Variants in SRGAP1 observed in about 807,000 individuals in gnomAD.
The protein encoded by SRGAP1 is SLIT-ROBO Rho GTPase-activating protein 1.
A neutral mutation model predicts 121.9 loss-of-function variants in SRGAP1; 43 were observed. The ratio of observed to expected loss-of-function variants is 0.35; its 90% CI spans 0.28 to 0.46. SRGAP1 has a LOEUF of 0.46. Ranked by LOEUF, SRGAP1 falls within the 20% of genes least tolerant of loss-of-function variation. The pLI is 1.00. For synonymous variants in SRGAP1, 447 were observed against 485.4 expected (o/e 0.92, Z 1.04); for missense variants, 1,102 against 1,350.9 (o/e 0.82, Z 2.89).
At chr12:63,898,672 TAATC>T (rs1227826825) in intron 1 of SRGAP1, among the ~76,000 whole-genome samples, 3 of 152,212 alleles carry the variant, frequency 2.0e-5, no homozygotes, top group Admixed American at 2.0e-4. Flanking sequence ...ATGATAGTAT[TAATC>T]AAGACTCAAA....
chr12:64,150,655 A>C lies in SRGAP1; in HGVS notation c.*7983A>C, dbSNP rs2037107784. 1.3e-5 allele frequency: 1 copy of C among 77,900 alleles called. No individual in the cohort carries two copies. Among genetic ancestry groups the C allele is most frequent in the African/African-American group, 3.5e-5 (1 of 28,212 alleles). 4.8% of individuals were successfully genotyped at this position (77,900 alleles called of 1,614,324 possible). A position where few individuals can be genotyped will look rare whatever the true frequency, so the allele number is the denominator to read the frequency against. ...GCCTTTGATGGACTGCATCTATTAA[A>C]AACAAAAAGTGGTGTCTCATGCCTG... is the stretch of plus-strand genomic sequence containing the variant. On this transcript the variant is annotated 3_prime_UTR_variant, in exon 22 of 22. Coordinates refer to ENST00000355086, the MANE Select transcript of SRGAP1 (RefSeq NM_020762.4).
chr12:63,885,028 T>G (rs1900330216), intron 1 of SRGAP1, among the ~76,000 whole-genome samples: 1 of 152,128 alleles, frequency 6.6e-6, no homozygotes, highest in Non-Finnish European at 1.5e-5. Context: ...CATTCTTATT[T>G]GAGTAGATTT....
At chr12:64,049,568 C>T (rs1022278357) in intron 6 of SRGAP1, among the ~76,000 whole-genome samples, 1 of 152,164 alleles carries the variant, frequency 6.6e-6, no homozygotes, top group Non-Finnish European at 1.5e-5. Context: ...CCCACCTGGT[C>T]CTTCACATGA....
intron 8 of SRGAP1, among the ~76,000 whole-genome samples, chr12:64,070,800 C>T (rs1321795447): frequency 6.6e-6 from 1 of 152,152 alleles, no homozygotes; most frequent in African/African-American, 2.4e-5. Flanking sequence ...TTCAGTTATA[C>T]TTCCTTCCTA....
chr12:63,844,855 C>T lies in SRGAP1; in HGVS notation c.39C>T (p.Ile13=). Residue 13 remains isoleucine, a synonymous_variant, in exon 1 of 22, where the codon ATC becomes ATT. Coordinates refer to ENST00000355086, the MANE Select transcript of SRGAP1 (RefSeq NM_020762.4). This position sits in a 1 kb window ranked among gnomAD's most constrained non-coding sequence, Gnocchi z 4.3. ...GCCGATTCAAGAAGGACAAAGAGAT[C>T]ATAGCCGAGTATGAAAGTCAAGTCA... ...TPSRFKKDKE[I]IAEYESQVKE... 1 of 1,614,182 alleles carries T rather than the reference C, an allele frequency of 6.2e-7. No individual in the cohort carries two copies. The highest frequency in any genetic ancestry group is 8.5e-7 in the Non-Finnish European group (1 of 1,180,036).
chr12:64,040,189 A>G lies in SRGAP1; in HGVS notation c.490-2601A>G, dbSNP rs561160768. Among the ~76,000 whole-genome samples the G allele has an allele frequency of 5.3e-5, 8 of 152,310 alleles. No homozygotes were observed. In the South Asian group the frequency reaches 1.2e-3, roughly 24 times the overall value. ...TGATTTTCCACCTTTTTAATAACCTACAGAAACATCAATTTCATATGGATT... is the reference window on the plus strand; with the variant it reads ...TGATTTTCCACCTTTTTAATAACCTGCAGAAACATCAATTTCATATGGATT... On this transcript the variant is annotated intron_variant, in intron 4 of 21. Transcript: ENST00000355086.
chr12:63,949,586 T>G (rs1191180737), intron 1 of SRGAP1, among the ~76,000 whole-genome samples: 1 of 151,496 alleles, frequency 6.6e-6, no homozygotes, highest in Non-Finnish European at 1.5e-5. Flanking sequence ...TGCCACCACG[T>G]CCAGCTAATT....
chr12:63,949,518 C>T (rs2032219254), intron 1 of SRGAP1, among the ~76,000 whole-genome samples: 1 of 151,072 alleles, frequency 6.6e-6, no homozygotes, highest in Admixed American at 6.6e-5. Context: ...AACTCTGCCT[C>T]CCGGGTTTGC....
At chr12:64,063,726 CA>C (rs939095729) in intron 7 of SRGAP1, among the ~76,000 whole-genome samples, 26 of 151,556 alleles carry the variant, frequency 1.7e-4, no homozygotes, top group African/African-American at 5.6e-4. Context: ...CAGGAGAAAA[CA>C]AAAAAAGCCA....
chr12:63,979,630 A>C (rs2033193007), intron 1 of SRGAP1, among the ~76,000 whole-genome samples: 1 of 152,140 alleles, frequency 6.6e-6, no homozygotes, highest in Admixed American at 6.5e-5. Flanking sequence ...TGATTGGTTT[A>C]GGATTTGTCT....
intron 6 of SRGAP1, among the ~76,000 whole-genome samples, chr12:64,054,272 T>C (rs568884684): frequency 2.0e-5 from 3 of 152,334 alleles, no homozygotes; most frequent in African/African-American, 7.2e-5. Context: ...GTTTTCTTCA[T>C]AGAGATTATC....
chr12:63,944,713 T>C (rs1424427517), intron 1 of SRGAP1, among the ~76,000 whole-genome samples: 2 of 152,182 alleles, frequency 1.3e-5, no homozygotes, highest in Admixed American at 1.3e-4. Context: ...AGGCCCAAGG[T>C]TGCCTTTGAT....
At chr12:63,941,511 G>C (rs978551552) in intron 1 of SRGAP1, among the ~76,000 whole-genome samples, 2 of 152,056 alleles carry the variant, frequency 1.3e-5, no homozygotes, top group East Asian at 3.9e-4. Flanking sequence ...TGAAGCTCAT[G>C]GTTTTCTCTA....
intron 7 of SRGAP1, 86 bp downstream of exon 7, chr12:64,063,224 T>C: frequency 1.6e-6 from 2 of 1,224,476 alleles, no homozygotes; most frequent in East Asian, 4.8e-5. Context: ...GTTGTAATAA[T>C]TCCCAGTTGT....
intron 1 of SRGAP1, among the ~76,000 whole-genome samples, chr12:63,897,568 C>T (rs4763005): frequency 0.011 from 1,735 of 152,230 alleles, 32 homozygotes; most frequent in African/African-American, 0.039. Context: ...CTATTTAGGC[C>T]GTAACTCCGA....
intron 1 of SRGAP1, among the ~76,000 whole-genome samples, chr12:63,915,567 C>G (rs1038573576): frequency 1.3e-5 from 2 of 152,106 alleles, no homozygotes; most frequent in African/African-American, 4.8e-5. Flanking sequence ...AAGCAGTGAT[C>G]CACATTTTGA....
At chr12:63,874,840 ACT>A (rs1406617535) in intron 1 of SRGAP1, among the ~76,000 whole-genome samples, 2 of 152,066 alleles carry the variant, frequency 1.3e-5, no homozygotes, top group Non-Finnish European at 2.9e-5. Context: ...TTAAAAACTC[ACT>A]CTAATTGTAA....
chr12:63,929,664 C>T (rs2136335930), intron 1 of SRGAP1, among the ~76,000 whole-genome samples: 1 of 151,506 alleles, frequency 6.6e-6, no homozygotes, highest in South Asian at 2.1e-4. Context: ...AATTCTGACA[C>T]TGTGTAACAG....
intron 3 of SRGAP1, among the ~76,000 whole-genome samples, chr12:64,003,023 TGAGAGAGAGAGAGA>T (rs141854046): frequency 3.1e-4 from 33 of 106,868 alleles, no homozygotes; most frequent in African/African-American, 8.7e-4. Flanking sequence ...TGTATGTGAG[TGAGAGAGAGAGAGA>T]GAGAGAGAGA....
Sources: gnomAD v4.1 joint callset for allele counts (sites outside exome capture counted in the v4.1 genomes callset) on GRCh38, gnomAD v4.1.1 for gene constraint, Gnocchi (gnomAD v3.1) non-coding constraint, MANE v1.5 for transcripts, NCBI Gene and HGNC (gene_info 2026-07-23, HGNC 2026-07-21) for gene names.